Variants in ADGRB3 observed in about 807,000 individuals in gnomAD.
ADGRB3 encodes the protein adhesion G protein-coupled receptor B3, also known as brain-specific angiogenesis inhibitor 3.
In ADGRB3, 37 loss-of-function variants were observed where a neutral mutation model predicts 193.4. The observed-to-expected ratio is 0.19, with a 90% CI of 0.15 to 0.25. The LOEUF is 0.25. Ranked by LOEUF, ADGRB3 falls within the 10% of genes least tolerant of loss-of-function variation. The pLI, the probability that ADGRB3 is intolerant of heterozygous loss-of-function variation, is 1.00. For synonymous variants in ADGRB3, 690 were observed against 644.2 expected (o/e 1.07, Z -1.08); for missense variants, 1,637 against 1,852.9 (o/e 0.88, Z 2.14).
chr6:69,289,968 A>G (rs1175670823), intron 20 of ADGRB3, among the ~76,000 whole-genome samples: 1 of 151,948 alleles, frequency 6.6e-6, no homozygotes, highest in Non-Finnish European at 1.5e-5. Flanking sequence ...AGGATTGGAT[A>G]CCCACAAACA....
At position 68,777,687 on chromosome 6, in the gene ADGRB3, AAC is replaced by A. The variant is rs1486308544; in HGVS notation, c.757+138256_757+138257del. On this transcript the variant is annotated intron_variant, in intron 3 of 31. Transcript: ENST00000370598. Reference sequence around the variant, plus strand: ...GGGATCTAAAAAAAAAAAAAAAAAAAACGACTACTAAACATGAGCAGATATGC... The same window carrying A: ...GGGATCTAAAAAAAAAAAAAAAAAAAGACTACTAAACATGAGCAGATATGC... Among the ~76,000 whole-genome samples, 4 of 148,526 alleles carry A rather than the reference AAC, an allele frequency of 2.7e-5. No homozygotes were observed. In the Admixed American group the frequency reaches 2.7e-4, roughly 10 times the overall value.
chr6:68,957,381 C>T (rs1768104797), intron 8 of ADGRB3, among the ~76,000 whole-genome samples: 1 of 152,174 alleles, frequency 6.6e-6, no homozygotes. Context: ...AACAAAAACT[C>T]CTTCCTAATC....
chr6:69,098,796 C>CT (rs992704183), intron 17 of ADGRB3, among the ~76,000 whole-genome samples: 15 of 151,914 alleles, frequency 9.9e-5, no homozygotes, highest in African/African-American at 2.2e-4. Context: ...AAAGAAAGGA[C>CT]TTTTTTTTCA....
At chr6:69,165,037 T>C (rs554735599) in intron 17 of ADGRB3, among the ~76,000 whole-genome samples, 12 of 152,084 alleles carry the variant, frequency 7.9e-5, no homozygotes, top group African/African-American at 2.9e-4. Flanking sequence ...ACAGTCTCCT[T>C]ACTGCTCACT....
intron 17 of ADGRB3, among the ~76,000 whole-genome samples, chr6:69,100,878 A>G (rs9446093): frequency 0.032 from 593 of 18,750 alleles, 2 homozygotes; most frequent in South Asian, 0.06. Flanking sequence ...AGGAAGAAGG[A>G]AGGGAGGGAA....
chr6:69,279,350 A>C (rs911131860), intron 20 of ADGRB3, among the ~76,000 whole-genome samples: 4 of 151,816 alleles, frequency 2.6e-5, no homozygotes, highest in African/African-American at 9.7e-5. Flanking sequence ...TGGAAGCTGC[A>C]GCTCACTCTT....
chr6:69,318,865 A>G (rs1768376209), intron 20 of ADGRB3, among the ~76,000 whole-genome samples: 1 of 149,928 alleles, frequency 6.7e-6, no homozygotes, highest in Non-Finnish European at 1.5e-5. Flanking sequence ...ATAACTGTAT[A>G]TATATATATA....
intron 17 of ADGRB3, among the ~76,000 whole-genome samples, chr6:69,171,973 G>A (rs953986114): frequency 7.9e-5 from 12 of 152,164 alleles, no homozygotes; most frequent in African/African-American, 2.9e-4. Context: ...GACATGCAAA[G>A]GAATTATTAC....
chr6:69,016,936 AAAGAT>A (rs1323750041), intron 12 of ADGRB3, among the ~76,000 whole-genome samples: 10 of 151,990 alleles, frequency 6.6e-5, no homozygotes, highest in African/African-American at 2.2e-4. Flanking sequence ...GCACCTACAC[AAAGAT>A]AAGGGGAAAA....
intron 28 of ADGRB3, among the ~76,000 whole-genome samples, chr6:69,359,479 C>T (rs1032725518): frequency 6.2e-5 from 9 of 145,626 alleles, no homozygotes; most frequent in African/African-American, 2.4e-4. Flanking sequence ...ATGATTTTTA[C>T]TGCCTAAGAT....
intron 3 of ADGRB3, among the ~76,000 whole-genome samples, chr6:68,755,099 A>G (rs1355513172): frequency 6.6e-6 from 1 of 152,222 alleles, no homozygotes; most frequent in Non-Finnish European, 1.5e-5. Context: ...TAATGGAAGC[A>G]GAAGCCAGTT....
rs1240831517 is a variant in ADGRB3, at chr6:69,338,956, G to A, written c.3229G>A (p.Ala1077Thr). 1.9e-6 allele frequency: 3 copies of A among 1,613,800 alleles called. No homozygotes were observed. The highest frequency in any genetic ancestry group is 2.7e-5 in the African/African-American group (2 of 74,976). ...EPHSGLTLKCAKCGVVSTTAL... is the reference protein window; with the variant it reads ...EPHSGLTLKCTKCGVVSTTAL... ...TCATAGCGGTTTGACGCTCAAATGT[G>A]CCAAGTGTGGAGTAGTTTCAACAAC... is the stretch of plus-strand genomic sequence containing the variant. The change falls in exon 25 of 32, where the codon GCC becomes ACC. Residue 1077 changes from alanine to threonine, a missense_variant. Ala to Thr is a moderately conservative substitution (Grantham distance 58). Coordinates refer to ENST00000370598, the MANE Select transcript of ADGRB3 (RefSeq NM_001704.3).
chr6:68,867,873 G>A (rs550497944), intron 3 of ADGRB3, among the ~76,000 whole-genome samples: 6 of 152,290 alleles, frequency 3.9e-5, no homozygotes, highest in Non-Finnish European at 8.8e-5. Flanking sequence ...TTTTGCAATG[G>A]CAGCATTTAC....
chr6:69,011,133 ATATGTGTGTGTG>A (rs1769921364), intron 11 of ADGRB3, among the ~76,000 whole-genome samples: 1 of 97,162 alleles, frequency 1.0e-5, no homozygotes, highest in African/African-American at 4.7e-5. Flanking sequence ...ATATACATAT[ATATGTGTGTGTG>A]TGTGTGTGTG....
At chr6:68,832,357 A>AT (rs1767971720) in intron 3 of ADGRB3, among the ~76,000 whole-genome samples, 1 of 151,686 alleles carries the variant, frequency 6.6e-6, no homozygotes, top group Non-Finnish European at 1.5e-5. Context: ...GACACTTATC[A>AT]TTTTTTTCTT....
chr6:69,196,869 T>A (rs754849805), intron 17 of ADGRB3, among the ~76,000 whole-genome samples: 4 of 152,092 alleles, frequency 2.6e-5, no homozygotes, highest in Non-Finnish European at 4.4e-5. Context: ...ATGAAGGCAG[T>A]ATGATGTAGC....
chr6:68,793,073 A>G (rs1428983943), intron 3 of ADGRB3, among the ~76,000 whole-genome samples: 2 of 152,096 alleles, frequency 1.3e-5, no homozygotes. Context: ...GGGAATTAAA[A>G]TGTTTAGCTT....
chr6:69,134,471 C>T (rs1210714632), intron 17 of ADGRB3, among the ~76,000 whole-genome samples: 5 of 152,064 alleles, frequency 3.3e-5, no homozygotes, highest in Non-Finnish European at 5.9e-5. Flanking sequence ...GGAACCATAG[C>T]TTTTACTTCC....
At chr6:69,029,917 T>G (rs1276459116) in intron 13 of ADGRB3, among the ~76,000 whole-genome samples, 1 of 150,862 alleles carries the variant, frequency 6.6e-6, no homozygotes, top group African/African-American at 2.4e-5. Context: ...CAGACACTTC[T>G]CAAGAGAAAA....
Sources: gnomAD v4.1 joint callset for allele counts (sites outside exome capture counted in the v4.1 genomes callset) on GRCh38, gnomAD v4.1.1 for gene constraint, MANE v1.5 for transcripts, NCBI Gene and HGNC (gene_info 2026-07-23, HGNC 2026-07-21) for gene names.